INSYN2B: variants seen among roughly 807,000 people sequenced by gnomAD.
The protein encoded by INSYN2B is inhibitory synaptic factor family member 2B.
A neutral mutation model predicts 41.2 loss-of-function variants in INSYN2B; 16 were observed. That is an observed-to-expected ratio of 0.39 (90% CI 0.26 to 0.59). The LOEUF (loss-of-function observed/expected upper bound fraction) is 0.59. Ranked by LOEUF, INSYN2B falls within the 20% of genes least tolerant of loss-of-function variation. The pLI, the probability that INSYN2B is intolerant of heterozygous loss-of-function variation, is 0.57. For missense variants in INSYN2B, 608 were observed against 646.4 expected (o/e 0.94, Z 0.64); for synonymous variants, 245 against 244.4 (o/e 1.00, Z -0.02).
intron 3 of INSYN2B, among the ~76,000 whole-genome samples, chr5:169,867,837 A>G (rs1049829578): frequency 6.6e-6 from 1 of 152,154 alleles, no homozygotes; most frequent in Non-Finnish European, 1.5e-5. Context: ...CATTCTCCCC[A>G]GTGGAAACTG....
At chr5:169,882,240 A>G (rs1054169574) in intron 2 of INSYN2B, among the ~76,000 whole-genome samples, 2 of 152,196 alleles carry the variant, frequency 1.3e-5, no homozygotes, top group African/African-American at 2.4e-5. Context: ...TTCCCCCATC[A>G]TGTATCAATA....
chr5:169,946,977 G>A (rs990541962), intron 1 of INSYN2B, among the ~76,000 whole-genome samples: 10 of 152,154 alleles, frequency 6.6e-5, no homozygotes, highest in African/African-American at 2.2e-4. Context: ...GGAATGGAAT[G>A]AAGGCCAGGG....
Position 169,883,052 on chromosome 5 carries a change from C to G in INSYN2B, c.847G>C (p.Asp283His). 6.4e-7 allele frequency: 1 copy of G among 1,551,606 alleles called. No individual in the cohort carries two copies. The highest frequency in any genetic ancestry group is 8.7e-7 in the Non-Finnish European group (1 of 1,146,950). ...CCAAGGTCTTTGTCATCTGAGTTGTCTTTGGGCAAAAGCAATTCAGGTTTA... is the reference window on the plus strand; with the variant it reads ...CCAAGGTCTTTGTCATCTGAGTTGTGTTTGGGCAAAAGCAATTCAGGTTTA... ...ELKPELLLPK[D>H]NSDDKDLGSL... The change falls in exon 2 of 4, where the codon GAC becomes CAC. Residue 283 changes from aspartate (D) to histidine (H), a missense_variant. Asp to His is a moderately conservative substitution (Grantham distance 81). Coordinates refer to ENST00000377365, the MANE Select transcript of INSYN2B (RefSeq NM_001129891.3).
intron 3 of INSYN2B, among the ~76,000 whole-genome samples, chr5:169,868,848 G>A (rs774455406): frequency 6.6e-6 from 1 of 152,054 alleles, no homozygotes; most frequent in Non-Finnish European, 1.5e-5. Context: ...GAGATGGAAC[G>A]GAAACTTTAT....
intron 1 of INSYN2B, among the ~76,000 whole-genome samples, chr5:169,959,042 C>G (rs1394142121): frequency 1.3e-5 from 2 of 152,110 alleles, no homozygotes; most frequent in Non-Finnish European, 2.9e-5. Flanking sequence ...GCAGAAACAA[C>G]ATATGAAAAT....
chr5:169,884,255 G>A lies in INSYN2B; in HGVS notation c.-357C>T. 5.6e-6 allele frequency: 1 copy of A among 178,648 alleles called. No homozygotes were observed. Among genetic ancestry groups the A allele is most frequent in the East Asian group, 1.5e-4 (1 of 6,692 alleles). The allele number at this position is 178,648 out of a possible 1,614,324, so 11.1% of individuals were successfully genotyped here. On this transcript the variant is annotated 5_prime_UTR_variant, in exon 2 of 4. Transcript: ENST00000377365. ...GCGGTTCTGATCTTGGAAGAAGCTGGCTGTCTTGAACAAAAAGACAACAAA... is the reference window on the plus strand; with the variant it reads ...GCGGTTCTGATCTTGGAAGAAGCTGACTGTCTTGAACAAAAAGACAACAAA...
rs1193443481 is a variant in INSYN2B, at chr5:169,882,883, A to C, written c.1016T>G (p.Leu339Arg). The C allele has an allele frequency of 1.2e-5, 19 of 1,551,682 alleles. No individual in the cohort carries two copies. In the East Asian group the frequency reaches 4.6e-4, roughly 38 times the overall value. The change falls in exon 2 of 4, where the codon CTG becomes CGG. Residue 339 changes from leucine to arginine, a missense_variant. Transcript: ENST00000377365. ...TGCACTGTTAGTTTTGAGTGACACC[A>C]GATTCTGGTGATTGTTACTTGATGA... is the stretch of plus-strand genomic sequence containing the variant. The part of the protein sequence containing the change: ...CPSSSNNHQN[L>R]VSLKTNSASK...
In INSYN2B at chr5:169,863,000, A is replaced by G. The variant is rs1771299244; in HGVS notation, c.*1273T>C. ...ACATGCTGATAGAGATTTTAATTCA[A>G]CCAGAAGGAATCTGAGCCTTTCCAT... On this transcript the variant is annotated 3_prime_UTR_variant, in exon 4 of 4. Coordinates refer to ENST00000377365, the MANE Select transcript of INSYN2B (RefSeq NM_001129891.3). Among the ~76,000 whole-genome samples the G allele has an allele frequency of 6.6e-6, 1 of 152,226 alleles. No individual in the cohort carries two copies. The highest frequency in any genetic ancestry group is 1.5e-5 in the Non-Finnish European group (1 of 68,036).
intron 3 of INSYN2B, among the ~76,000 whole-genome samples, chr5:169,869,794 A>G (rs2113451309): frequency 6.6e-6 from 1 of 152,346 alleles, no homozygotes; most frequent in South Asian, 2.1e-4. Flanking sequence ...GGATCCAAAT[A>G]GCACACCAAT....
chr5:169,935,117 G>A (rs1169397168), intron 1 of INSYN2B, among the ~76,000 whole-genome samples: 1 of 152,236 alleles, frequency 6.6e-6, no homozygotes, highest in Non-Finnish European at 1.5e-5. Flanking sequence ...GCAAGATTTG[G>A]ATAGAAGGAC....
chr5:169,890,649 T>C (rs1773227600), intron 1 of INSYN2B, among the ~76,000 whole-genome samples: 1 of 152,210 alleles, frequency 6.6e-6, no homozygotes, highest in Admixed American at 6.5e-5. Context: ...ACTTTCTTTA[T>C]AGCACATGGG....
intron 1 of INSYN2B, among the ~76,000 whole-genome samples, chr5:169,921,116 G>A (rs552692303): frequency 1.3e-5 from 2 of 152,280 alleles, no homozygotes; most frequent in Middle Eastern, 3.4e-3. Context: ...GGAAAAGCAC[G>A]TAGGGTGATG....
At chr5:169,979,515 C>T (rs1777864645) in intron 1 of INSYN2B, among the ~76,000 whole-genome samples, 1 of 152,182 alleles carries the variant, frequency 6.6e-6, no homozygotes, top group Non-Finnish European at 1.5e-5. Context: ...GGAGACTTTT[C>T]TGAATATGAA....
At chr5:169,922,940 A>G (rs1188092348) in intron 1 of INSYN2B, among the ~76,000 whole-genome samples, 2 of 152,246 alleles carry the variant, frequency 1.3e-5, no homozygotes, top group East Asian at 3.8e-4. Context: ...TTGTCATTAC[A>G]GGCAAGCTTC....
intron 1 of INSYN2B, among the ~76,000 whole-genome samples, chr5:169,937,040 G>A (rs535919894): frequency 7.2e-5 from 11 of 152,338 alleles, no homozygotes; most frequent in African/African-American, 2.4e-4. Context: ...TTGGTGAGGA[G>A]GGAGGGGCTG....
intron 1 of INSYN2B, among the ~76,000 whole-genome samples, chr5:169,895,738 G>A (rs751284627): frequency 1.3e-5 from 2 of 151,992 alleles, no homozygotes; most frequent in Non-Finnish European, 2.9e-5. Context: ...AGTTATTCAT[G>A]CACTTACACC....
intron 1 of INSYN2B, among the ~76,000 whole-genome samples, chr5:169,893,454 A>G (rs951511879): frequency 6.8e-6 from 1 of 147,760 alleles, no homozygotes; most frequent in African/African-American, 2.5e-5. Flanking sequence ...GTTTTTCACT[A>G]CATAACTGGG....
At chr5:169,956,456 G>A (rs1776869763) in intron 1 of INSYN2B, among the ~76,000 whole-genome samples, 1 of 152,204 alleles carries the variant, frequency 6.6e-6, no homozygotes, top group Admixed American at 6.5e-5. Context: ...GCGACTTTAA[G>A]CACAACAGGT....
chr5:169,903,301 A>G (rs1206084829), intron 1 of INSYN2B, among the ~76,000 whole-genome samples: 1 of 139,186 alleles, frequency 7.2e-6, no homozygotes, highest in Non-Finnish European at 1.6e-5. Context: ...AAAAACAACA[A>G]CAACAACAAT....
Sources: gnomAD v4.1 joint callset for allele counts (sites outside exome capture counted in the v4.1 genomes callset) on GRCh38, gnomAD v4.1.1 for gene constraint, MANE v1.5 for transcripts, NCBI Gene and HGNC (gene_info 2026-07-23, HGNC 2026-07-21) for gene names.